SSRP1: variants seen among roughly 807,000 people sequenced by gnomAD.
SSRP1 encodes the protein structure specific recognition protein 1.
Under a neutral mutation model 84.4 loss-of-function variants are expected in SSRP1, and 21 were observed. That is an observed-to-expected ratio of 0.25 (90% CI 0.18 to 0.36). The LOEUF (loss-of-function observed/expected upper bound fraction) is 0.36. Ranked by LOEUF, SSRP1 falls within the 10% of genes least tolerant of loss-of-function variation. The pLI, the probability that SSRP1 is intolerant of heterozygous loss-of-function variation, is 1.00. For synonymous variants in SSRP1, 319 were observed against 318.3 expected, an observed-to-expected ratio of 1.00 and a Z score of -0.02; for missense variants, 519 against 900.8, an observed-to-expected ratio of 0.58 and a Z score of 5.43.
intron 13 of SSRP1, 49 bp downstream of exon 13, chr11:57,328,248 C>A: frequency 3.1e-6 from 5 of 1,598,950 alleles, no homozygotes; most frequent in South Asian, 1.1e-5. Flanking sequence ...GCCTCCCACG[C>A]CCCCCACCCA....
In SSRP1 at chr11:57,332,343, C is replaced by A; in HGVS notation, c.872+40G>T. On this transcript the variant is annotated intron_variant, in intron 7 of 16. Coordinates refer to ENST00000278412, the MANE Select transcript of SSRP1 (RefSeq NM_003146.3). The surrounding 1 kb of genome is among the most constrained non-coding windows in gnomAD (Gnocchi z 5.5). ...CTTCTAATGGCACACCTGTCTCCTG[C>A]CTGGACAGTGGTAGGAAACGAGTCC... is the stretch of plus-strand genomic sequence containing the variant. The A allele has an allele frequency of 6.2e-7, 1 of 1,613,812 alleles. No homozygotes were observed. Among genetic ancestry groups the A allele is most frequent in the South Asian group, 1.1e-5 (1 of 91,068 alleles).
intron 9 of SSRP1, among the ~76,000 whole-genome samples, 177 bp downstream of exon 9, chr11:57,331,491 G>T (rs1476199452): frequency 6.6e-6 from 1 of 151,940 alleles, no homozygotes; most frequent in African/African-American, 2.4e-5. Context: ...TGACCAGAAA[G>T]AAAGCAATGG....
intron 9 of SSRP1, 143 bp from the exon 10 acceptor site, chr11:57,331,070 C>A: frequency 1.2e-6 from 1 of 817,030 alleles, no homozygotes; most frequent in Non-Finnish European, 2.0e-6. Context: ...GCTTAGAAAC[C>A]CCCAGAGGAC....
chr11:57,327,052 T>C, intron 15 of SSRP1, 163 bp from the exon 16 acceptor site: 1 of 1,301,220 alleles, frequency 7.7e-7, no homozygotes, highest in South Asian at 1.6e-5. Context: ...AGGGAGAGTA[T>C]CATGAGTACA....
At chr11:57,327,553 C>CTCTCCCA in intron 14 of SSRP1, 39 bp from the exon 15 acceptor site, 1 of 1,611,998 alleles carries the variant, frequency 6.2e-7, no homozygotes, top group Non-Finnish European at 8.5e-7. Context: ...AGAATAAGAC[C>CTCTCCCA]TCTCCCATCT....
In SSRP1 at chr11:57,335,099, T is replaced by C; in HGVS notation, c.23A>G (p.Asn8Ser). 1 of 1,614,110 alleles carries C rather than the reference T, an allele frequency of 6.2e-7. No individual in the cohort carries two copies. The highest frequency in any genetic ancestry group is 8.5e-7 in the Non-Finnish European group (1 of 1,179,986). Reference protein sequence around the residue: MAETLEFNDVYQEVKGSM... With the variant: MAETLEFSDVYQEVKGSM... Reference sequence around the variant, plus strand: ...ACCTTTCACCTCCTGATAGACGTCGTTGAACTCCAGTGTCTCTGCCATGTC... The same window carrying C: ...ACCTTTCACCTCCTGATAGACGTCGCTGAACTCCAGTGTCTCTGCCATGTC... The change falls in exon 2 of 17, where the codon AAC (asparagine) becomes AGC (serine). Residue 8 changes from asparagine to serine, a missense_variant. Physicochemically the swap from Asn to Ser is conservative, Grantham distance 46 (BLOSUM62 1). Transcript: ENST00000278412. The surrounding 1 kb of genome is among the most constrained non-coding windows in gnomAD (Gnocchi z 4.6).
intron 15 of SSRP1, 94 bp downstream of exon 15, chr11:57,327,332 C>A: frequency 7.8e-7 from 1 of 1,287,734 alleles, no homozygotes. Flanking sequence ...AGCATCTCTG[C>A]TGTCTTTAAC....
chr11:57,334,617 C>A lies in SSRP1; in HGVS notation c.86G>T (p.Gly29Val). Residue 29 changes from glycine (G) to valine (V), a missense_variant, in exon 3 of 17, where the codon GGC becomes GTC. Transcript: ENST00000278412. Reference protein sequence around the residue: ...NDGRLRLSRQGIIFKNSKTGK... With the variant: ...NDGRLRLSRQVIIFKNSKTGK... ...TGTCTTGCTATTCTTGAAGATGATGCCCTGACGGCTCAACCTCAGTCGACC... is the reference window on the plus strand; with the variant it reads ...TGTCTTGCTATTCTTGAAGATGATGACCTGACGGCTCAACCTCAGTCGACC... 1 of 1,614,148 alleles carries A rather than the reference C, an allele frequency of 6.2e-7. No homozygotes were observed. The highest frequency in any genetic ancestry group is 1.7e-5 in the Admixed American group (1 of 60,034).
At position 57,333,057 on chromosome 11, in the gene SSRP1, T is replaced by C; in HGVS notation, c.439A>G (p.Thr147Ala). The C allele has an allele frequency of 6.2e-7, 1 of 1,614,170 alleles. No individual in the cohort carries two copies. The highest frequency in any genetic ancestry group is 8.5e-7 in the Non-Finnish European group (1 of 1,180,036). Residue 147 changes from threonine to alanine, a missense_variant, in exon 5 of 17, where the codon ACA (threonine) becomes GCA (alanine). Around this residue, in one of 7 missense-constraint regions of SSRP1, gnomAD observed 159 missense variants for 359.0 expected, o/e 0.44. Coordinates refer to ENST00000278412, the MANE Select transcript of SSRP1 (RefSeq NM_003146.3). The stretch of plus-strand genomic sequence containing the variant: ...TCATCGTTTTGGTGGAATTCCAGTG[T>C]CACCTCATTCTTGCCTGTGGTGCAC... ...SQCTTGKNEVTLEFHQNDDAE... is the reference protein window; with the variant it reads ...SQCTTGKNEVALEFHQNDDAE...
chr11:57,330,245 G>C lies in SSRP1; in HGVS notation c.1435+46C>G. The C allele has an allele frequency of 6.2e-7, 1 of 1,614,156 alleles. No individual in the cohort carries two copies. The highest frequency in any genetic ancestry group is 1.1e-5 in the South Asian group (1 of 91,078). The stretch of plus-strand genomic sequence containing the variant: ...GGGTGAGTCCAGCCCGGGCCACAGC[G>C]AGGAGCGTCTGACCATCCTCGTGCT... On this transcript the variant is annotated intron_variant, in intron 11 of 16. Transcript: ENST00000278412. This position sits in a 1 kb window ranked among gnomAD's most constrained non-coding sequence, Gnocchi z 4.0.
chr11:57,334,409 A>C, intron 3 of SSRP1, 54 bp downstream of exon 3: 1 of 1,591,688 alleles, frequency 6.3e-7, no homozygotes, highest in South Asian at 1.1e-5. Flanking sequence ...TCTCTAGAAG[A>C]TTAAAATAAG....
At chr11:57,329,385 T>C (rs923804850) in intron 12 of SSRP1, 11 of 152,768 alleles carry the variant, frequency 7.2e-5, no homozygotes, top group Non-Finnish European at 1.6e-4. Flanking sequence ...CCCCAGCCCA[T>C]TCTAATAACT....
At position 57,330,449 on chromosome 11, in the gene SSRP1, C is replaced by T. The variant is rs199577674; in HGVS notation, c.1297-20G>A. On this transcript the variant is annotated intron_variant, in intron 10 of 16. Coordinates refer to ENST00000278412, the MANE Select transcript of SSRP1 (RefSeq NM_003146.3). The surrounding 1 kb of genome is among the most constrained non-coding windows in gnomAD (Gnocchi z 4.0). ...CATGCCCTAGCCAGGGAAGAGTTCA[C>T]GGTGGGGCCAACTCACCCTCGAGCC... is the stretch of plus-strand genomic sequence containing the variant. The T allele has an allele frequency of 2.2e-4, 356 of 1,612,716 alleles. 3 individuals are homozygous for T. The highest frequency in any genetic ancestry group is 4.2e-5 in the Non-Finnish European group (50 of 1,179,826).
chr11:57,334,153 C>G (rs994262622), intron 3 of SSRP1, among the ~76,000 whole-genome samples: 1 of 151,626 alleles, frequency 6.6e-6, no homozygotes, highest in Admixed American at 6.6e-5. Context: ...GCCCTGTCCC[C>G]AAAAAAAACC....
At chr11:57,334,302 G>T (rs143826349) in intron 3 of SSRP1, among the ~76,000 whole-genome samples, 161 bp downstream of exon 3, 1 of 152,208 alleles carries the variant, frequency 6.6e-6, no homozygotes, top group Non-Finnish European at 1.5e-5. Context: ...AGACTTCAAC[G>T]CTCAAAGCCA....
intron 13 of SSRP1, 186 bp from the exon 14 acceptor site, chr11:57,328,068 G>A (rs1856019827): frequency 3.2e-6 from 3 of 951,546 alleles, no homozygotes; most frequent in African/African-American, 3.3e-5. Flanking sequence ...TAGCTTACCA[G>A]GACAGAAGCC....
chr11:57,335,196 C>G lies in SSRP1; in HGVS notation c.-75G>C. The G allele has an allele frequency of 6.6e-7, 1 of 1,504,826 alleles. No individual in the cohort carries two copies. Among genetic ancestry groups the G allele is most frequent in the Non-Finnish European group, 9.2e-7 (1 of 1,082,054 alleles). The allele number at this position is 1,504,826 out of a possible 1,614,324, so 93.2% of individuals were successfully genotyped here. On this transcript the variant is annotated 5_prime_UTR_variant, in exon 2 of 17. Coordinates refer to ENST00000278412, the MANE Select transcript of SSRP1 (RefSeq NM_003146.3). This position sits in a 1 kb window ranked among gnomAD's most constrained non-coding sequence, Gnocchi z 4.6. ...GAAACCAAGTAAACTGGGAGCTGGG[C>G]CCCAACTCCTGAGTGGGTGTGCGGA...
Position 57,334,541 on chromosome 11 carries a change from G to A in SSRP1, c.162C>T (p.Arg54=), listed in dbSNP as rs772206803. ...QAGELTEGIW[R]RVALGHGLKL... is the part of the protein sequence containing the mutation. Reference sequence around the variant, plus strand: ...TAAGTCCATGGCCCAGAGCAACACGGCGCCAGATACCTTCTGTTAACTCCC... The same window carrying A: ...TAAGTCCATGGCCCAGAGCAACACGACGCCAGATACCTTCTGTTAACTCCC... Residue 54 remains arginine (R), a synonymous_variant, in exon 3 of 17, where the codon CGC becomes CGT. Transcript: ENST00000278412. 4 of 1,614,198 alleles carry A rather than the reference G, an allele frequency of 2.5e-6. No individual in the cohort carries two copies. The Admixed American group carries it at 5.0e-5, about 20-fold the overall frequency.
At chr11:57,327,051 A>G in intron 15 of SSRP1, 162 bp from the exon 16 acceptor site, 1 of 1,312,100 alleles carries the variant, frequency 7.6e-7, no homozygotes, top group Non-Finnish European at 1.0e-6. Flanking sequence ...AAGGGAGAGT[A>G]TCATGAGTAC....
Sources: gnomAD v4.1 joint callset for allele counts (sites outside exome capture counted in the v4.1 genomes callset) on GRCh38, gnomAD v4.1.1 for gene constraint, gnomAD v4.1.1 regional missense constraint, Gnocchi (gnomAD v3.1) non-coding constraint, MANE v1.5 for transcripts, NCBI Gene and HGNC (gene_info 2026-07-23, HGNC 2026-07-21) for gene names.